The following DMPK variants were observed in gnomAD, a reference collection of about 807,000 sequenced individuals.
DMPK encodes the protein myotonin-protein kinase.
A neutral mutation model predicts 70.3 loss-of-function variants in DMPK; 32 were observed. The observed-to-expected ratio is 0.46, with a 90% confidence interval of 0.34 to 0.61. DMPK has a LOEUF of 0.61. Among genes scored for constraint, DMPK ranks in the 20% least tolerant of loss-of-function variants. DMPK has a pLI of 0.01. For synonymous variants in DMPK, 469 were observed against 390.9 expected, an observed-to-expected ratio of 1.20 and a Z score of -2.36; for missense variants, 899 against 886.0, an observed-to-expected ratio of 1.01 and a Z score of -0.19.
rs781155031 is a variant in DMPK, at chr19:45,777,619, TG to T, written c.883-30del. The T allele has an allele frequency of 7.0e-5, 113 of 1,612,992 alleles. No individual in the cohort carries two copies. The Admixed American group carries it at 7.5e-4, about 11-fold the overall frequency. Reference sequence around the variant, plus strand: ...CTCAGAGGGAGAGGAGGCGATAGCCTGGGAGCGCCTACCGGGAGAGGCCAGG... The same window carrying T: ...CTCAGAGGGAGAGGAGGCGATAGCCTGGAGCGCCTACCGGGAGAGGCCAGG... On this transcript the variant is annotated intron_variant, in intron 7 of 14. Coordinates refer to ENST00000291270, the MANE Select transcript of DMPK (RefSeq NM_004409.5). The surrounding 1 kb of genome is among the most constrained non-coding windows in gnomAD (Gnocchi z 6.7).
At position 45,780,200 on chromosome 19, in the gene DMPK, C is replaced by G. The variant is rs59575950; in HGVS notation, c.161-331G>C. On this transcript the variant is annotated intron_variant, in intron 1 of 14. Coordinates refer to ENST00000291270, the MANE Select transcript of DMPK (RefSeq NM_004409.5). The stretch of plus-strand genomic sequence containing the variant: ...AGAACAAGGGGAGAAGGAAATAAGA[C>G]CCAGTTCTTCCACCTTCCACCCTGA... 2.1e-3 allele frequency: 3,066 copies of G among 1,464,628 alleles called. 71 individuals are homozygous for G. In the African/African-American group the frequency reaches 0.04, roughly 19 times the overall value. The allele number at this position is 1,464,628 out of a possible 1,614,324, so 90.7% of individuals were successfully genotyped here. A position where few individuals can be genotyped will look rare whatever the true frequency, so the allele number is the denominator to read the frequency against.
rs76613387 is a variant in DMPK, at chr19:45,780,085, T to C, written c.161-216A>G. On this transcript the variant is annotated intron_variant, in intron 1 of 14. Coordinates refer to ENST00000291270, the MANE Select transcript of DMPK (RefSeq NM_004409.5). Reference sequence around the variant, plus strand: ...AGAGGTGAGATGCCTGAGAAGCCCTTTGCGGGACAGGGCATTGGCCCAGAG... The same window carrying C: ...AGAGGTGAGATGCCTGAGAAGCCCTCTGCGGGACAGGGCATTGGCCCAGAG... 9,434 of 1,499,710 alleles carry C rather than the reference T, an allele frequency of 6.3e-3. 528 individuals carry two copies. In the African/African-American group the frequency reaches 0.11, roughly 18 times the overall value. 92.9% of individuals were successfully genotyped at this position (1,499,710 alleles called of 1,614,324 possible).
intron 6 of DMPK, 53 bp downstream of exon 6, chr19:45,778,074 T>G: frequency 6.8e-7 from 1 of 1,471,666 alleles, no homozygotes; most frequent in South Asian, 1.2e-5. Flanking sequence ...ACTCTGTGCC[T>G]TCCATCCCTC....
rs947029884 is a variant in DMPK at position 45,769,782 on chromosome 19, A to G, written c.*706T>C. On this transcript the variant is annotated 3_prime_UTR_variant, in exon 15 of 15. Coordinates refer to ENST00000291270, the MANE Select transcript of DMPK (RefSeq NM_004409.5). ...GTGGGGGTCCTAGGTGGGGACAGAC[A>G]ATAAATACCGAGGAATGTCGGGGTC... 7.9e-5 allele frequency: 16 copies of G among 201,682 alleles called. No homozygotes were observed. Among genetic ancestry groups the G allele is most frequent in the Non-Finnish European group, 1.3e-4 (13 of 97,790 alleles). 12.5% of individuals were successfully genotyped at this position (201,682 alleles called of 1,614,324 possible).
Position 45,769,845 on chromosome 19 carries a change from T to G in DMPK, c.*643A>C, listed in dbSNP as rs1600404671. The G allele has an allele frequency of 1.8e-5, 4 of 226,784 alleles. No individual in the cohort carries two copies. Among genetic ancestry groups the G allele is most frequent in the South Asian group, 1.1e-4 (2 of 17,896 alleles). The allele number at this position is 226,784 out of a possible 1,614,324, so 14.0% of individuals were successfully genotyped here. ...AAACGTGGATTGGGGTTGTTGGGGG[T>G]CCTGTAGCCTGTCAGCGAGTCGGAG... is the stretch of plus-strand genomic sequence containing the variant. On this transcript the variant is annotated 3_prime_UTR_variant, in exon 15 of 15. Transcript: ENST00000291270.
rs1969249555 is a variant in DMPK at position 45,770,144 on chromosome 19, T to C, written c.*344A>G. ...GCTTGCTGCCTTCCCAGGCCTGCAG[T>C]TTGCCCATCCACGTCAGGGCCTCAG... On this transcript the variant is annotated 3_prime_UTR_variant, in exon 15 of 15. Transcript: ENST00000291270. The C allele has an allele frequency of 1.6e-6, 1 of 641,560 alleles. No homozygotes were observed. Among genetic ancestry groups the C allele is most frequent in the Admixed American group, 2.3e-5 (1 of 42,716 alleles). 39.7% of individuals were successfully genotyped at this position (641,560 alleles called of 1,614,324 possible).
chr19:45,772,723 A>G lies in DMPK; in HGVS notation c.1262T>C (p.Met421Thr). 10 of 1,514,588 alleles carry G rather than the reference A, an allele frequency of 6.6e-6. No individual in the cohort carries two copies. The highest frequency in any genetic ancestry group is 8.7e-6 in the Non-Finnish European group (10 of 1,143,566). 93.8% of individuals were successfully genotyped at this position (1,514,588 alleles called of 1,614,324 possible). A position where few individuals can be genotyped will look rare whatever the true frequency, so the allele number is the denominator to read the frequency against. ...RDSEVPGPTP[M>T]ELEAEQLLEP... ...AAGCAGCTGCTCGGCCTCCAGTTCCATGGGTGTGGGGCCTGGGACCTCACT... is the reference window on the plus strand; with the variant it reads ...AAGCAGCTGCTCGGCCTCCAGTTCCGTGGGTGTGGGGCCTGGGACCTCACT... The change falls in exon 10 of 15, where the codon ATG (methionine) becomes ACG (threonine). Residue 421 changes from methionine (M) to threonine (T), a missense_variant. Met to Thr is a moderately conservative substitution (Grantham distance 81). Transcript: ENST00000291270.
At chr19:45,773,603 CT>C (rs1969602857) in intron 9 of DMPK, among the ~76,000 whole-genome samples, 1 of 152,174 alleles carries the variant, frequency 6.6e-6, no homozygotes, top group Non-Finnish European at 1.5e-5. Context: ...CTTCCTTTTC[CT>C]TATCTGTATT....
intron 5 of DMPK, 119 bp downstream of exon 5, chr19:45,778,374 C>T: frequency 1.4e-6 from 2 of 1,416,582 alleles, no homozygotes; most frequent in Non-Finnish European, 1.9e-6. Flanking sequence ...TCCCAGGCAC[C>T]CCCCGGTGGG....
chr19:45,780,748 G>A (rs1181779910), intron 1 of DMPK: 5 of 382,294 alleles, frequency 1.3e-5, no homozygotes, highest in East Asian at 1.6e-4. Flanking sequence ...GGGGGGTTCC[G>A]GGAGAGTGGG....
At chr19:45,779,131 T>TA in intron 4 of DMPK, 133 bp downstream of exon 4, 1 of 887,278 alleles carries the variant, frequency 1.1e-6, no homozygotes, top group Non-Finnish European at 1.8e-6. Flanking sequence ...CACACCCTCT[T>TA]ACCGCACACA....
Position 45,770,960 on chromosome 19 carries a change from G to A in DMPK, c.1737+11C>T. The stretch of plus-strand genomic sequence containing the variant: ...GCGACGGCGGAGGGGGGCGTGGGCA[G>A]CCGGACGTACCCTGGCAGGGAGCAG... On this transcript the variant is annotated intron_variant, in intron 14 of 14. Transcript: ENST00000291270. The A allele has an allele frequency of 1.4e-6, 2 of 1,419,704 alleles. No homozygotes were observed. The highest frequency in any genetic ancestry group is 1.8e-6 in the Non-Finnish European group (2 of 1,092,372). The allele number at this position is 1,419,704 out of a possible 1,614,324, so 87.9% of individuals were successfully genotyped here.
chr19:45,772,888 G>A lies in DMPK; in HGVS notation c.1233-136C>T, dbSNP rs1600421998. On this transcript the variant is annotated intron_variant, in intron 9 of 14. Transcript: ENST00000291270. ...TGAGGAAGGGGAGCAGCAGAGCGAA[G>A]AGAACAGAGTCCCAGGTAGGCCAAT... The A allele has an allele frequency of 5.9e-6, 3 of 512,150 alleles. No individual in the cohort carries two copies. In the African/African-American group the frequency reaches 6.1e-5, roughly 10 times the overall value. 31.7% of individuals were successfully genotyped at this position (512,150 alleles called of 1,614,324 possible).
intron 13 of DMPK, 42 bp from the exon 14 acceptor site, chr19:45,771,102 C>T (rs1362506316): frequency 2.1e-6 from 3 of 1,459,354 alleles, no homozygotes; most frequent in Admixed American, 4.3e-5. Context: ...GAGCCCAGCC[C>T]AGCCCTCAGC....
chr19:45,778,855 T>C (rs1228799447), intron 4 of DMPK: 1 of 520,214 alleles, frequency 1.9e-6, no homozygotes, highest in Non-Finnish European at 3.3e-6. Flanking sequence ...AAAAAAACTT[T>C]CCTGGGATGT....
intron 1 of DMPK, chr19:45,780,251 C>CA: frequency 6.7e-7 from 1 of 1,495,588 alleles, no homozygotes; most frequent in Non-Finnish European, 8.9e-7. Flanking sequence ...CAGGTGCAGC[C>CA]AGGGCCCCAC....
chr19:45,770,346 G>A lies in DMPK; in HGVS notation c.*142C>T, dbSNP rs1178099289. ...TCCCTCCCCGGCCGCTAGGGGGCGGGCCCGGATCACAGGACTGGAGCTGGG... is the reference window on the plus strand; with the variant it reads ...TCCCTCCCCGGCCGCTAGGGGGCGGACCCGGATCACAGGACTGGAGCTGGG... On this transcript the variant is annotated 3_prime_UTR_variant, in exon 15 of 15. Coordinates refer to ENST00000291270, the MANE Select transcript of DMPK (RefSeq NM_004409.5). The A allele has an allele frequency of 1.0e-5, 12 of 1,205,200 alleles. No homozygotes were observed. The East Asian group carries it at 2.3e-4, about 23-fold the overall frequency. 74.7% of individuals were successfully genotyped at this position (1,205,200 alleles called of 1,614,324 possible). A position where few individuals can be genotyped will look rare whatever the true frequency, so the allele number is the denominator to read the frequency against.
chr19:45,775,313 G>A (rs865782296), intron 8 of DMPK: 6 of 328,958 alleles, frequency 1.8e-5, no homozygotes, highest in South Asian at 3.3e-5. Flanking sequence ...GATTACAGGC[G>A]CCCTCTACCA....
At chr19:45,773,479 G>A (rs1969595886) in intron 9 of DMPK, among the ~76,000 whole-genome samples, 1 of 152,146 alleles carries the variant, frequency 6.6e-6, no homozygotes, top group South Asian at 2.1e-4. Context: ...AAAGTAGCAT[G>A]AGGAAGGGGA....
Sources: gnomAD v4.1 joint callset for allele counts (sites outside exome capture counted in the v4.1 genomes callset) on GRCh38, gnomAD v4.1.1 for gene constraint, Gnocchi (gnomAD v3.1) non-coding constraint, MANE v1.5 for transcripts, NCBI Gene and HGNC (gene_info 2026-07-23, HGNC 2026-07-21) for gene names.